TTLL5: variants seen among roughly 807,000 people sequenced by gnomAD.
TTLL5 encodes the protein tubulin polyglutamylase TTLL5.
A neutral mutation model predicts 168.4 loss-of-function variants in TTLL5; 132 were observed. The observed-to-expected ratio is 0.78, with a 90% CI of 0.68 to 0.91. TTLL5 has a LOEUF of 0.91. Among genes scored for constraint, TTLL5 ranks in the 40% least tolerant of loss-of-function variants. TTLL5 has a pLI of 0.00. For synonymous variants in TTLL5, 546 were observed against 558.6 expected (o/e 0.98, Z 0.32); for missense variants, 1,545 against 1,581.5 (o/e 0.98, Z 0.39).
intron 18 of TTLL5, among the ~76,000 whole-genome samples, chr14:75,753,563 C>T (rs1380230682): frequency 6.6e-6 from 1 of 152,086 alleles, no homozygotes; most frequent in East Asian, 1.9e-4. Flanking sequence ...TTTAGAGAAA[C>T]CTATATTATT....
chr14:75,889,316 A>G (rs914756039), intron 30 of TTLL5, among the ~76,000 whole-genome samples: 3 of 152,252 alleles, frequency 2.0e-5, no homozygotes, highest in Non-Finnish European at 4.4e-5. Flanking sequence ...AATTCCAGAA[A>G]GAGAATAGAA....
intron 31 of TTLL5, among the ~76,000 whole-genome samples, chr14:75,924,319 TGTTTCTCGCAGAGGGGGA>T (rs2033932233): frequency 6.6e-6 from 1 of 151,008 alleles, no homozygotes; most frequent in Non-Finnish European, 1.5e-5. Context: ...CATTCTTGGG[TGTTTCTCGCAGAGGGGGA>T]GTTGGCAGGG....
Position 75,779,682 on chromosome 14 carries a change from C to T in TTLL5, c.2495C>T (p.Ser832Phe), listed in dbSNP as rs1891927832. 1 of 1,612,830 alleles carries T rather than the reference C, an allele frequency of 6.2e-7. No individual in the cohort carries two copies. Residue 832 changes from serine (S) to phenylalanine (F), a missense_variant, in exon 24 of 32, where the codon TCT (serine) becomes TTT (phenylalanine). Coordinates refer to ENST00000298832, the MANE Select transcript of TTLL5 (RefSeq NM_015072.5). ...SKISKNNNNYSDSGAKGDHPE... is the reference protein window; with the variant it reads ...SKISKNNNNYFDSGAKGDHPE... ...ATTTCTAAGAACAACAACAATTATT[C>T]TGATAGTGGGGCAAAAGGTGGTAAG...
At chr14:75,857,287 G>T (rs1303880268) in intron 28 of TTLL5, among the ~76,000 whole-genome samples, 1 of 152,042 alleles carries the variant, frequency 6.6e-6, no homozygotes, top group Non-Finnish European at 1.5e-5. Context: ...TGAATTATAT[G>T]ATAGATTTTT....
At chr14:75,683,722 A>G (rs1884804589) in intron 5 of TTLL5, 66 bp downstream of exon 5, 1 of 1,318,200 alleles carries the variant, frequency 7.6e-7, no homozygotes, top group Admixed American at 1.7e-5. Context: ...GTAGCCAGCA[A>G]AGGTAATTAG....
chr14:75,799,481 T>C (rs533651701), intron 27 of TTLL5, among the ~76,000 whole-genome samples: 14 of 152,318 alleles, frequency 9.2e-5, no homozygotes, highest in Admixed American at 3.9e-4. Flanking sequence ...ATTATTGAGA[T>C]GTGAGGCACT....
chr14:75,721,159 TC>T (rs1029485769), intron 12 of TTLL5, among the ~76,000 whole-genome samples: 1 of 152,084 alleles, frequency 6.6e-6, no homozygotes, highest in Non-Finnish European at 1.5e-5. Flanking sequence ...CCTCTCTTTC[TC>T]CCATTCCTCT....
At chr14:75,762,166 C>T (rs1338508026) in intron 18 of TTLL5, among the ~76,000 whole-genome samples, 3 of 151,906 alleles carry the variant, frequency 2.0e-5, no homozygotes, top group South Asian at 2.1e-4. Context: ...GAGGCCGAGG[C>T]GGGTGGATCA....
At chr14:75,921,519 A>C (rs1292594138) in intron 31 of TTLL5, among the ~76,000 whole-genome samples, 1 of 152,202 alleles carries the variant, frequency 6.6e-6, no homozygotes, top group Non-Finnish European at 1.5e-5. Context: ...AGGTTTGTCA[A>C]AGATCAGATT....
intron 31 of TTLL5, among the ~76,000 whole-genome samples, chr14:75,951,815 A>C (rs1193961212): frequency 1.3e-5 from 2 of 152,242 alleles, no homozygotes; most frequent in Non-Finnish European, 2.9e-5. Context: ...AGATGTTTGT[A>C]ATACATAAAA....
chr14:75,924,059 C>CTTTTTTTTTTTTTTT (rs2033919414), intron 31 of TTLL5, among the ~76,000 whole-genome samples: 1 of 95,370 alleles, frequency 1.0e-5, no homozygotes, highest in Non-Finnish European at 2.1e-5. Flanking sequence ...TTTTTTTTTG[C>CTTTTTTTTTTTTTTT]TTTCCATTTG....
At chr14:75,899,893 C>T (rs574278032) in intron 30 of TTLL5, among the ~76,000 whole-genome samples, 3 of 151,698 alleles carry the variant, frequency 2.0e-5, no homozygotes, top group East Asian at 1.9e-4. Context: ...CTATTATTCA[C>T]TACCAGTTTC....
chr14:75,849,691 G>A (rs1595146432), intron 28 of TTLL5, among the ~76,000 whole-genome samples: 2 of 152,306 alleles, frequency 1.3e-5, no homozygotes, highest in Admixed American at 1.3e-4. Context: ...AATTACTTTG[G>A]TAAGAGAAGA....
chr14:75,933,711 G>A (rs1334913542), intron 31 of TTLL5, among the ~76,000 whole-genome samples: 2 of 152,196 alleles, frequency 1.3e-5, no homozygotes, highest in Admixed American at 1.3e-4. Flanking sequence ...AAATTCATAT[G>A]TTGAAGCCCT....
intron 28 of TTLL5, among the ~76,000 whole-genome samples, chr14:75,823,756 A>C (rs976035420): frequency 6.6e-6 from 1 of 152,202 alleles, no homozygotes. Flanking sequence ...CATTGTGGGC[A>C]TGGGCTGCTC....
chr14:75,895,380 C>T (rs552353866), intron 30 of TTLL5, among the ~76,000 whole-genome samples: 1 of 152,160 alleles, frequency 6.6e-6, no homozygotes, highest in East Asian at 1.9e-4. Context: ...CAATGGTATT[C>T]GAGTATATGT....
chr14:75,893,817 CAAAAAAAA>C (rs61332109), intron 30 of TTLL5, among the ~76,000 whole-genome samples: 25 of 71,600 alleles, frequency 3.5e-4, no homozygotes, highest in East Asian at 8.1e-4. Flanking sequence ...GACTCCATCT[CAAAAAAAA>C]AAAAAAAAAA....
At chr14:75,725,287 C>T (rs902529995) in intron 12 of TTLL5, among the ~76,000 whole-genome samples, 3 of 152,304 alleles carry the variant, frequency 2.0e-5, no homozygotes, top group African/African-American at 7.2e-5. Context: ...ACTACTTGGC[C>T]ACCCACAGAA....
In TTLL5 at chr14:75,951,609, A is replaced by C. The variant is rs192675287; in HGVS notation, c.3824-2815A>C. ...ACTCTGTCTCTACAAAAAAATTTAA[A>C]AACTAGCCCAGGCATGGTGGTACAT... is the stretch of plus-strand genomic sequence containing the variant. On this transcript the variant is annotated intron_variant, in intron 31 of 31. Transcript: ENST00000298832. Among the ~76,000 whole-genome samples, 358 of 151,978 alleles carry C rather than the reference A, an allele frequency of 2.4e-3. 3 individuals are homozygous for C. Among genetic ancestry groups the C allele is most frequent in the African/African-American group, 8.2e-3 (341 of 41,426 alleles).
Sources: gnomAD v4.1 joint callset for allele counts (sites outside exome capture counted in the v4.1 genomes callset) on GRCh38, gnomAD v4.1.1 for gene constraint, MANE v1.5 for transcripts, NCBI Gene and HGNC (gene_info 2026-07-23, HGNC 2026-07-21) for gene names.